RALGPS1: variants seen among roughly 807,000 people sequenced by gnomAD.
The protein encoded by RALGPS1 is Ral GEF with PH domain and SH3 binding motif 1.
In RALGPS1, 19 loss-of-function variants were observed where a neutral mutation model predicts 78.8. The observed-to-expected ratio is 0.24, with a 90% CI of 0.17 to 0.35. The LOEUF is 0.35. Ranked by LOEUF, RALGPS1 falls within the 10% of genes least tolerant of loss-of-function variation. RALGPS1 has a pLI of 1.00. For synonymous variants in RALGPS1, 228 were observed against 256.3 expected, an observed-to-expected ratio of 0.89 and a Z score of 1.06; for missense variants, 454 against 688.3, an observed-to-expected ratio of 0.66 and a Z score of 3.81.
chr9:126,979,204 G>A (rs1752687171), intron 4 of RALGPS1, among the ~76,000 whole-genome samples: 1 of 151,790 alleles, frequency 6.6e-6, no homozygotes, highest in Non-Finnish European at 1.5e-5. Flanking sequence ...CAGCATTTAT[G>A]TGAAGACGTG....
rs1374020602 is a variant in RALGPS1, at chr9:127,094,860, G to A, written c.610+25504G>A. Among the ~76,000 whole-genome samples the A allele has an allele frequency of 2.0e-5, 3 of 152,188 alleles. No individual in the cohort carries two copies. In the East Asian group the frequency reaches 5.8e-4, roughly 29 times the overall value. On this transcript the variant is annotated intron_variant, in intron 8 of 18. Transcript: ENST00000259351. ...TGGGCAGCCCAGTCAGAAGGAATGG[G>A]TGTTATACCACTGGTCTTTTAGCCC... is the stretch of plus-strand genomic sequence containing the variant.
intron 4 of RALGPS1, among the ~76,000 whole-genome samples, chr9:127,032,501 G>C (rs2046515879): frequency 6.6e-6 from 1 of 152,208 alleles, no homozygotes; most frequent in Non-Finnish European, 1.5e-5. Context: ...AGTTTTATGA[G>C]TTGGGTTTTA....
chr9:127,077,212 A>T (rs978475291), intron 8 of RALGPS1, among the ~76,000 whole-genome samples: 1 of 152,230 alleles, frequency 6.6e-6, no homozygotes, highest in African/African-American at 2.4e-5. Context: ...TGAGGAGGTC[A>T]GGCTGGAGGA....
At chr9:127,117,995 C>T (rs1354797400) in intron 8 of RALGPS1, among the ~76,000 whole-genome samples, 1 of 152,224 alleles carries the variant, frequency 6.6e-6, no homozygotes, top group Non-Finnish European at 1.5e-5. Flanking sequence ...AGGCTGATTT[C>T]AGCAGAGAAT....
intron 14 of RALGPS1, among the ~76,000 whole-genome samples, chr9:127,209,225 G>A (rs562593305): frequency 6.6e-6 from 1 of 152,364 alleles, no homozygotes; most frequent in South Asian, 2.1e-4. Context: ...CCCGGAGGTA[G>A]CCGTGGCCAG....
At chr9:126,966,297 T>A (rs1466829252) in intron 3 of RALGPS1, among the ~76,000 whole-genome samples, 2 of 152,126 alleles carry the variant, frequency 1.3e-5, no homozygotes, top group Non-Finnish European at 2.9e-5. Context: ...GGTAGGAGGA[T>A]GGCTTGAGCC....
In RALGPS1 at chr9:126,962,134, A is replaced by G. The variant is rs529132136; in HGVS notation, c.-65-91A>G. ...CCTTTCTTTAAAGGTCTCCTCTGAG[A>G]TGATCTGCTCAAGTCTGGTACAACT... is the stretch of plus-strand genomic sequence containing the variant. On this transcript the variant is annotated intron_variant, in intron 1 of 18. Transcript: ENST00000259351. The G allele has an allele frequency of 3.4e-5, 23 of 675,334 alleles. No homozygotes were observed. In the East Asian group the frequency reaches 5.5e-4, roughly 16 times the overall value. 41.8% of individuals were successfully genotyped at this position (675,334 alleles called of 1,614,324 possible).
intron 6 of RALGPS1, among the ~76,000 whole-genome samples, chr9:127,050,692 C>T (rs2048230895): frequency 6.6e-6 from 1 of 151,970 alleles, no homozygotes; most frequent in Non-Finnish European, 1.5e-5. Flanking sequence ...CCCTTCTTTT[C>T]CCTTATCTCT....
intron 4 of RALGPS1, among the ~76,000 whole-genome samples, chr9:126,991,713 CTG>C (rs1343507173): frequency 2.6e-5 from 4 of 152,160 alleles, no homozygotes; most frequent in Non-Finnish European, 4.4e-5. Flanking sequence ...TTCTGTGTCT[CTG>C]TTTTCTTCTC....
intron 1 of RALGPS1, among the ~76,000 whole-genome samples, chr9:126,957,948 G>A (rs2038492044): frequency 6.6e-6 from 1 of 151,672 alleles, no homozygotes; most frequent in South Asian, 2.1e-4. Flanking sequence ...ACTAGCCTGG[G>A]CAATGTAGTG....
intron 14 of RALGPS1, among the ~76,000 whole-genome samples, chr9:127,201,171 C>G (rs1408939283): frequency 6.6e-6 from 1 of 152,256 alleles, no homozygotes; most frequent in Non-Finnish European, 1.5e-5. Context: ...GCATTTAGAT[C>G]ACTATCCATC....
intron 8 of RALGPS1, among the ~76,000 whole-genome samples, chr9:127,134,356 G>A (rs557661560): frequency 6.6e-6 from 1 of 152,308 alleles, no homozygotes; most frequent in East Asian, 1.9e-4. Flanking sequence ...ACTGTGCTAG[G>A]TTCCTCTGCA....
At chr9:126,924,140 G>A (rs2130902964) in intron 1 of RALGPS1, among the ~76,000 whole-genome samples, 1 of 152,328 alleles carries the variant, frequency 6.6e-6, no homozygotes, top group Non-Finnish European at 1.5e-5. Flanking sequence ...ACTGGAACAT[G>A]TCCATATGCA....
chr9:126,996,021 C>A (rs1349028682), intron 4 of RALGPS1, among the ~76,000 whole-genome samples: 1 of 152,060 alleles, frequency 6.6e-6, no homozygotes, highest in Non-Finnish European at 1.5e-5. Context: ...CTCTGAGACA[C>A]ATTCAAAGCA....
Position 126,961,744 on chromosome 9 carries a change from C to T in RALGPS1, c.-65-481C>T, listed in dbSNP as rs763470404. On this transcript the variant is annotated intron_variant, in intron 1 of 18. Transcript: ENST00000259351. ...CCAGGAGGTTGAGGCTGCAGTAAGCCGTGATTGAGCCACTGCACTCCAGTC... is the reference window on the plus strand; with the variant it reads ...CCAGGAGGTTGAGGCTGCAGTAAGCTGTGATTGAGCCACTGCACTCCAGTC... Among the ~76,000 whole-genome samples the T allele has an allele frequency of 4.6e-5, 7 of 152,248 alleles. No individual in the cohort carries two copies. The South Asian group carries it at 6.2e-4, about 14-fold the overall frequency.
chr9:127,153,058 T>C (rs566096103), intron 8 of RALGPS1, among the ~76,000 whole-genome samples: 1 of 152,312 alleles, frequency 6.6e-6, no homozygotes, highest in East Asian at 1.9e-4. Context: ...TTTCGTAGTT[T>C]TCTTATCTTT....
intron 9 of RALGPS1, among the ~76,000 whole-genome samples, chr9:127,168,359 G>A (rs1278494125): frequency 2.0e-5 from 3 of 152,186 alleles, no homozygotes; most frequent in Non-Finnish European, 2.9e-5. Flanking sequence ...AGGCCAGGGA[G>A]CCATCTTTCC....
chr9:127,176,391 C>T (rs1564724300), intron 11 of RALGPS1, among the ~76,000 whole-genome samples: 1 of 152,154 alleles, frequency 6.6e-6, no homozygotes, highest in Non-Finnish European at 1.5e-5. Context: ...TGCGCAGTCA[C>T]CTACAACTGA....
At chr9:127,138,671 T>A (rs1588122505) in intron 8 of RALGPS1, among the ~76,000 whole-genome samples, 1 of 151,830 alleles carries the variant, frequency 6.6e-6, no homozygotes, top group East Asian at 1.9e-4. Flanking sequence ...GGACAGAGAG[T>A]CTAGGTCCAC....
Sources: gnomAD v4.1 joint callset for allele counts (sites outside exome capture counted in the v4.1 genomes callset) on GRCh38, gnomAD v4.1.1 for gene constraint, MANE v1.5 for transcripts, NCBI Gene and HGNC (gene_info 2026-07-23, HGNC 2026-07-21) for gene names.